ECPAS: variants seen among roughly 807,000 people sequenced by gnomAD.
ECPAS encodes proteasome adapter and scaffold protein ECM29.
In ECPAS, 70 loss-of-function variants were observed where a neutral mutation model predicts 255.1. That is an observed-to-expected ratio of 0.27 (90% confidence interval 0.23 to 0.33). The LOEUF is 0.33. ECPAS is among the 10% of genes least tolerant of loss of function. The pLI, the probability that ECPAS is intolerant of heterozygous loss-of-function variation, is 1.00. For synonymous variants in ECPAS, 784 were observed against 775.0 expected, an observed-to-expected ratio of 1.01 and a Z score of -0.19; for missense variants, 1,817 against 2,206.4, an observed-to-expected ratio of 0.82 and a Z score of 3.54.
chr9:111,423,189 GT>G lies in ECPAS; in HGVS notation c.1265+9del. 1 of 1,546,022 alleles carries G rather than the reference GT, an allele frequency of 6.5e-7. No individual in the cohort carries two copies. The highest frequency in any genetic ancestry group is 8.8e-7 in the Non-Finnish European group (1 of 1,139,478). ...ACACCATATCTCTCACTAAAAAAGA[GT>G]TTACTCACCTGGAGAGTTTTCCAAC... On this transcript the variant is annotated intron_variant, in intron 13 of 49. Coordinates refer to ENST00000684092, the MANE Select transcript of ECPAS (RefSeq NM_001364929.1).
intron 2 of ECPAS, among the ~76,000 whole-genome samples, chr9:111,458,288 T>C (rs2098269268): frequency 6.6e-6 from 1 of 152,226 alleles, no homozygotes; most frequent in South Asian, 2.1e-4. Context: ...GATTGCTTCA[T>C]AAGAATGTTG....
Position 111,383,397 on chromosome 9 carries a change from C to CA in ECPAS, c.3682-66dup, listed in dbSNP as rs2098143076. 3 of 1,534,182 alleles carry CA rather than the reference C, an allele frequency of 2.0e-6. No homozygotes were observed. In the East Asian group the frequency reaches 7.2e-5, roughly 37 times the overall value. ...CGCATCCAATAAAGAATTCATCTGA[C>CA]AAAAGACTTTCTACTTCACATATCT... is the stretch of plus-strand genomic sequence containing the variant. On this transcript the variant is annotated intron_variant, in intron 34 of 49. Coordinates refer to ENST00000684092, the MANE Select transcript of ECPAS (RefSeq NM_001364929.1).
intron 7 of ECPAS, among the ~76,000 whole-genome samples, chr9:111,436,645 TA>T (rs552009615): frequency 2.9e-4 from 44 of 151,040 alleles, no homozygotes; most frequent in East Asian, 1.6e-3. Context: ...AGTTAAAAAA[TA>T]AAAAAAAATA....
intron 1 of ECPAS, chr9:111,483,418 G>A (rs2098309876): frequency 9.6e-6 from 6 of 628,250 alleles, no homozygotes; most frequent in Non-Finnish European, 1.2e-5. Flanking sequence ...CGGGCCTGGC[G>A]CCCCAGCCCT....
In ECPAS at chr9:111,376,467, G is replaced by C. The variant is rs2131533717; in HGVS notation, c.4020+9C>G. ...AACAAACCCTCTCATTATTATTTAA[G>C]ACACTCACCATGTTGATTGTTTCCA... On this transcript the variant is annotated intron_variant, in intron 37 of 49. Transcript: ENST00000684092. 6.3e-7 allele frequency: 1 copy of C among 1,579,198 alleles called. No homozygotes were observed. The highest frequency in any genetic ancestry group is 8.6e-7 in the Non-Finnish European group (1 of 1,159,756).
intron 1 of ECPAS, among the ~76,000 whole-genome samples, chr9:111,477,623 A>G (rs2098298081): frequency 6.6e-6 from 1 of 152,152 alleles, no homozygotes; most frequent in African/African-American, 2.4e-5. Context: ...ATTAATACAA[A>G]TTTTGCAATC....
Position 111,440,561 on chromosome 9 carries a change from T to A in ECPAS, c.390-40A>T, listed in dbSNP as rs78027037. ...ACATTTATTGCAACTACTTAAAAAATGAGATTTTTATACATGCAAAACACA... is the reference window on the plus strand; with the variant it reads ...ACATTTATTGCAACTACTTAAAAAAAGAGATTTTTATACATGCAAAACACA... On this transcript the variant is annotated intron_variant, in intron 5 of 49. Coordinates refer to ENST00000684092, the MANE Select transcript of ECPAS (RefSeq NM_001364929.1). 6.6e-4 allele frequency: 978 copies of A among 1,478,868 alleles called. 11 individuals are homozygous for A. The East Asian group carries it at 0.017, about 25-fold the overall frequency. 91.6% of individuals were successfully genotyped at this position (1,478,868 alleles called of 1,614,324 possible).
intron 35 of ECPAS, among the ~76,000 whole-genome samples, chr9:111,381,733 T>C (rs73656236): frequency 0.061 from 9,220 of 152,258 alleles, 681 homozygotes; most frequent in African/African-American, 0.17. Context: ...AATACCATTT[T>C]CACACTTTAA....
intron 24 of ECPAS, among the ~76,000 whole-genome samples, chr9:111,407,651 C>G (rs1158973153): frequency 1.3e-5 from 2 of 151,998 alleles, no homozygotes; most frequent in Non-Finnish European, 2.9e-5. Flanking sequence ...TCAATTATCT[C>G]TTCTCCCTCC....
chr9:111,458,649 TG>T (rs990945339), intron 2 of ECPAS, among the ~76,000 whole-genome samples: 11 of 94,568 alleles, frequency 1.2e-4, no homozygotes, highest in East Asian at 3.1e-4. Flanking sequence ...GAGAGGAGGG[TG>T]GGGGGGGTGT....
intron 19 of ECPAS, 127 bp from the exon 20 acceptor site, chr9:111,414,113 AAAAAG>A: frequency 1.5e-6 from 1 of 655,174 alleles, no homozygotes; most frequent in Non-Finnish European, 2.5e-6. Context: ...TAAAAAAAAA[AAAAAG>A]AAAACCTACA....
intron 6 of ECPAS, 126 bp downstream of exon 6, chr9:111,440,245 CT>C (rs2098243961): frequency 3.6e-6 from 3 of 825,150 alleles, no homozygotes; most frequent in Non-Finnish European, 5.3e-6. Flanking sequence ...AGAAAAAAAT[CT>C]TTGTAAACGT....
intron 33 of ECPAS, 86 bp from the exon 34 acceptor site, chr9:111,384,655 C>G (rs1170655255): frequency 2.5e-6 from 3 of 1,185,194 alleles, no homozygotes; most frequent in Non-Finnish European, 3.7e-6. Context: ...TTGCCTCAGG[C>G]CCTACAGAGA....
intron 22 of ECPAS, 49 bp from the exon 23 acceptor site, chr9:111,410,262 G>T (rs566044991): frequency 9.4e-6 from 14 of 1,495,902 alleles, no homozygotes; most frequent in Non-Finnish European, 1.2e-5. Flanking sequence ...TTATCCTTAC[G>T]ACCCAAAGCA....
chr9:111,416,129 T>A (rs1028768463), intron 18 of ECPAS, 143 bp downstream of exon 18: 1 of 571,662 alleles, frequency 1.7e-6, no homozygotes, highest in South Asian at 2.7e-5. Context: ...ACTTTTTTTT[T>A]AAATAAACAA....
At chr9:111,409,610 G>A (rs2098190855) in intron 23 of ECPAS, among the ~76,000 whole-genome samples, 1 of 151,734 alleles carries the variant, frequency 6.6e-6, no homozygotes. Context: ...GTAGTAAACT[G>A]ATATTTCTGC....
In ECPAS at chr9:111,410,070, T is replaced by C; in HGVS notation, c.2521A>G (p.Arg841Gly). 1 of 1,576,926 alleles carries C rather than the reference T, an allele frequency of 6.3e-7. No individual in the cohort carries two copies. Among genetic ancestry groups the C allele is most frequent in the Non-Finnish European group, 8.6e-7 (1 of 1,160,368 alleles). The change falls in exon 23 of 50, where the codon AGA becomes GGA. Residue 841 changes from arginine (R) to glycine (G), a missense_variant. Coordinates refer to ENST00000684092, the MANE Select transcript of ECPAS (RefSeq NM_001364929.1). ...KLHLVESLLS[R>G]IPSSKETNKM... The stretch of plus-strand genomic sequence containing the variant: ...TTTGTTTCTTTACTGGAAGGTATTC[T>C]ACTTAGTAAGCTTTCTACAAGATGC...
At chr9:111,382,175 T>C in intron 35 of ECPAS, among the ~76,000 whole-genome samples, 1 of 152,000 alleles carries the variant, frequency 6.6e-6, no homozygotes, top group Admixed American at 6.6e-5. Context: ...ATTATAAAGT[T>C]CTCTTCAGCC....
chr9:111,366,657 C>G (rs766393692), intron 46 of ECPAS, 30 bp from the exon 47 acceptor site: 2 of 1,410,380 alleles, frequency 1.4e-6, no homozygotes, highest in Non-Finnish European at 2.0e-6. Flanking sequence ...TGGGACAGAG[C>G]AGGAGACAGT....
Sources: gnomAD v4.1 joint callset for allele counts (sites outside exome capture counted in the v4.1 genomes callset) on GRCh38, gnomAD v4.1.1 for gene constraint, MANE v1.5 for transcripts, NCBI Gene and HGNC (gene_info 2026-07-23, HGNC 2026-07-21) for gene names.